ITGA1: variants seen among roughly 807,000 people sequenced by gnomAD.
ITGA1 encodes integrin alpha-1.
In ITGA1, 85 loss-of-function variants were observed where a neutral mutation model predicts 145.9. The ratio of observed to expected loss-of-function variants is 0.58; its 90% CI spans 0.49 to 0.70. The LOEUF (loss-of-function observed/expected upper bound fraction) is 0.70, where lower values mean the gene tolerates loss of function less well. Among genes scored for constraint, ITGA1 ranks in the 30% least tolerant of loss-of-function variants. The probability of loss-of-function intolerance (pLI) is 0.00; values close to 1 mark genes in which losing one functional copy is unlikely to be tolerated. For synonymous variants in ITGA1, 520 were observed against 495.3 expected (o/e 1.05, Z -0.66); for missense variants, 1,351 against 1,418.7 (o/e 0.95, Z 0.77).
intron 1 of ITGA1, chr5:52,801,616 C>T: frequency 6.2e-7 from 1 of 1,614,072 alleles, no homozygotes; most frequent in Non-Finnish European, 8.5e-7. Flanking sequence ...TGACACATTG[C>T]TCATCAGCGA....
At chr5:52,896,358 T>C (rs1398928476) in intron 9 of ITGA1, among the ~76,000 whole-genome samples, 2 of 152,180 alleles carry the variant, frequency 1.3e-5, no homozygotes, top group East Asian at 1.9e-4. Context: ...CCTGAAAGCA[T>C]TGTGGACTGA....
intron 13 of ITGA1, 151 bp downstream of exon 13, chr5:52,909,192 A>G (rs972284181): frequency 4.8e-5 from 35 of 728,048 alleles, no homozygotes; most frequent in Non-Finnish European, 6.2e-5. Flanking sequence ...CAGTTTTGAA[A>G]TGACCATTTA....
chr5:52,823,346 A>G (rs1187710207), intron 1 of ITGA1, among the ~76,000 whole-genome samples: 1 of 152,150 alleles, frequency 6.6e-6, no homozygotes, highest in Admixed American at 6.5e-5. Flanking sequence ...CTGGGATTAT[A>G]GGCTTGCGCC....
rs558320779 is a variant in ITGA1, at chr5:52,831,097, C to T, written c.62-18268C>T. 1.1e-4 allele frequency among the ~76,000 whole-genome samples: 16 copies of T among 152,048 alleles called. 1 individual carries two copies. In the East Asian group the frequency reaches 2.3e-3, roughly 22 times the overall value. Reference sequence around the variant, plus strand: ...TAGAGACCTTTTAGGAAGTTTTTTACATAGGAATCACCTGTCTAATCAACT... The same window carrying T: ...TAGAGACCTTTTAGGAAGTTTTTTATATAGGAATCACCTGTCTAATCAACT... On this transcript the variant is annotated intron_variant, in intron 1 of 28. Transcript: ENST00000282588.
rs376918091 is a variant in ITGA1 at position 52,821,348 on chromosome 5, T to C, written c.62-28017T>C. On this transcript the variant is annotated intron_variant, in intron 1 of 28. Coordinates refer to ENST00000282588, the MANE Select transcript of ITGA1 (RefSeq NM_181501.2). ...GGAACCTATGTCAGTCAAAAAAGTA[T>C]GTTTTTAGACAGCTCTCCTCACCCC... 5.3e-5 allele frequency among the ~76,000 whole-genome samples: 8 copies of C among 152,300 alleles called. No individual in the cohort carries two copies. In the East Asian group the frequency reaches 1.2e-3, roughly 22 times the overall value.
At chr5:52,819,730 T>C (rs1177900168) in intron 1 of ITGA1, among the ~76,000 whole-genome samples, 4 of 152,246 alleles carry the variant, frequency 2.6e-5, no homozygotes, top group Non-Finnish European at 5.9e-5. Context: ...CCCATGCCTA[T>C]GTCCTGAATG....
chr5:52,798,108 T>G (rs1163986912), intron 1 of ITGA1, among the ~76,000 whole-genome samples: 3 of 147,114 alleles, frequency 2.0e-5, no homozygotes, highest in Non-Finnish European at 4.6e-5. Context: ...AACAAGATAC[T>G]TTTTTTAAAA....
intron 11 of ITGA1, among the ~76,000 whole-genome samples, chr5:52,898,605 G>A (rs1005424920): frequency 6.6e-6 from 1 of 152,048 alleles, no homozygotes; most frequent in African/African-American, 2.4e-5. Flanking sequence ...GCTGTCTAAT[G>A]CAGGGAATGG....
intron 1 of ITGA1, among the ~76,000 whole-genome samples, chr5:52,844,207 T>G (rs1749299627): frequency 6.6e-6 from 1 of 152,178 alleles, no homozygotes. Context: ...CTTGGACCTA[T>G]AAGTTCTAGC....
chr5:52,871,729 TA>T (rs143776238), intron 6 of ITGA1, among the ~76,000 whole-genome samples: 55,260 of 152,024 alleles, frequency 0.36, 10,630 homozygotes, highest in South Asian at 0.48. Context: ...ACATTCACTC[TA>T]AAGAGTTACT....
chr5:52,825,831 T>C (rs1363396590), intron 1 of ITGA1, among the ~76,000 whole-genome samples: 1 of 150,892 alleles, frequency 6.6e-6, no homozygotes, highest in Non-Finnish European at 1.5e-5. Flanking sequence ...GGCAGGAGAA[T>C]CGCTTGAACC....
At chr5:52,864,889 A>G (rs369759476) in intron 4 of ITGA1, 38 bp downstream of exon 4, 1 of 1,538,868 alleles carries the variant, frequency 6.5e-7, no homozygotes, top group African/African-American at 1.4e-5. Context: ...GACAACAGAT[A>G]TGCTATCATT....
intron 1 of ITGA1, chr5:52,801,564 T>C (rs755566597): frequency 1.9e-6 from 3 of 1,614,132 alleles, no homozygotes; most frequent in East Asian, 2.2e-5. Flanking sequence ...GAGCTTTCTA[T>C]GGACTCAAGC....
At position 52,897,512 on chromosome 5, in the gene ITGA1, G is replaced by C; in HGVS notation, c.1148G>C (p.Ser383Thr). The C allele has an allele frequency of 1.2e-6, 2 of 1,612,972 alleles. No homozygotes were observed. The highest frequency in any genetic ancestry group is 1.7e-6 in the Non-Finnish European group (2 of 1,179,140). ...ATGGAAATGTCTCAGACTGGCTTCA[G>C]TGCTCATTATTCACAGGTATGTTGA... is the stretch of plus-strand genomic sequence containing the variant. The part of the protein sequence containing the change: ...FEMEMSQTGF[S>T]AHYSQDWVML... Residue 383 changes from serine to threonine, a missense_variant, in exon 10 of 29, where the codon AGT becomes ACT. Physicochemically the swap from Ser to Thr is moderately conservative, Grantham distance 58. Transcript: ENST00000282588.
At chr5:52,875,053 TA>T (rs1267374113) in intron 6 of ITGA1, among the ~76,000 whole-genome samples, 4 of 152,208 alleles carry the variant, frequency 2.6e-5, no homozygotes, top group Non-Finnish European at 5.9e-5. Context: ...AATTTGCTTA[TA>T]AGTCTAAATA....
At chr5:52,818,382 T>A (rs1580045647) in intron 1 of ITGA1, among the ~76,000 whole-genome samples, 1 of 152,194 alleles carries the variant, frequency 6.6e-6, no homozygotes, top group Non-Finnish European at 1.5e-5. Flanking sequence ...GATAGACAAA[T>A]ACTGAAATTT....
chr5:52,792,238 C>A (rs1393352478), intron 1 of ITGA1, among the ~76,000 whole-genome samples: 1 of 152,116 alleles, frequency 6.6e-6, no homozygotes, highest in African/African-American at 2.4e-5. Flanking sequence ...ATTTCCTATT[C>A]AAAATGAAAT....
At chr5:52,942,446 T>C (rs1346676317) in intron 26 of ITGA1, among the ~76,000 whole-genome samples, 1 of 152,120 alleles carries the variant, frequency 6.6e-6, no homozygotes, top group Non-Finnish European at 1.5e-5. Context: ...GCAGTGTTTT[T>C]TAGGTCTCCT....
chr5:52,883,968 C>T (rs868328059), intron 7 of ITGA1, among the ~76,000 whole-genome samples: 1 of 152,140 alleles, frequency 6.6e-6, no homozygotes. Flanking sequence ...TTAATCATCT[C>T]CTTCAGCTGA....
Sources: gnomAD v4.1 joint callset for allele counts (sites outside exome capture counted in the v4.1 genomes callset) on GRCh38, gnomAD v4.1.1 for gene constraint, MANE v1.5 for transcripts, NCBI Gene and HGNC (gene_info 2026-07-23, HGNC 2026-07-21) for gene names.